Variants in TTC28 observed in about 807,000 individuals in gnomAD.
TTC28 encodes the protein tetratricopeptide repeat domain 28.
In TTC28, 61 loss-of-function variants were observed where a neutral mutation model predicts 198.0. The ratio of observed to expected loss-of-function variants is 0.31; its 90% CI spans 0.25 to 0.38. The LOEUF (loss-of-function observed/expected upper bound fraction) is 0.38. Ranked by LOEUF, TTC28 falls within the 10% of genes least tolerant of loss-of-function variation. TTC28 has a pLI of 1.00. For missense variants in TTC28, 2,678 were observed against 3,164.0 expected, an observed-to-expected ratio of 0.85 and a Z score of 3.69; for synonymous variants, 1,171 against 1,297.8, an observed-to-expected ratio of 0.90 and a Z score of 2.10.
At chr22:28,541,847 G>C (rs1301499512) in intron 2 of TTC28, among the ~76,000 whole-genome samples, 1 of 151,956 alleles carries the variant, frequency 6.6e-6, no homozygotes, top group Non-Finnish European at 1.5e-5. Flanking sequence ...CCAACACTTT[G>C]GGAGGTCAAA....
intron 17 of TTC28, 29 bp downstream of exon 17, chr22:27,996,106 G>A (rs916114565): frequency 5.2e-6 from 8 of 1,537,538 alleles, no homozygotes; most frequent in African/African-American, 1.4e-5. Flanking sequence ...GCCAGCTCTC[G>A]TTGAGTGCAG....
intron 12 of TTC28, among the ~76,000 whole-genome samples, chr22:28,061,464 T>C (rs533976538): frequency 1.3e-5 from 2 of 152,342 alleles, no homozygotes; most frequent in East Asian, 3.9e-4. Flanking sequence ...GCACCATTTA[T>C]TAAATAGGGA....
At chr22:28,163,027 A>G (rs531711442) in intron 6 of TTC28, 65 bp downstream of exon 6, 40 of 1,456,332 alleles carry the variant, frequency 2.7e-5, no homozygotes, top group Non-Finnish European at 3.5e-5. Context: ...AAAGATAGTG[A>G]TCTACTCCAG....
rs1449919657 is a variant in TTC28, at chr22:27,979,347, G to C, written c.*2874C>G. On this transcript the variant is annotated 3_prime_UTR_variant, in exon 23 of 23. Transcript: ENST00000397906. ...ATACAAAAATTAGCAAGGCATGGTA[G>C]TGGGTGCCTGTAGTCCCAGCTACTT... is the stretch of plus-strand genomic sequence containing the variant. 2.0e-5 allele frequency: 3 copies of C among 152,158 alleles called. No homozygotes were observed. Among genetic ancestry groups the C allele is most frequent in the African/African-American group, 7.2e-5 (3 of 41,420 alleles). The allele number at this position is 152,158 out of a possible 1,614,324, so 9.4% of individuals were successfully genotyped here. A position where few individuals can be genotyped will look rare whatever the true frequency, so the allele number is the denominator to read the frequency against.
At chr22:28,595,838 C>T (rs1372482551) in intron 2 of TTC28, among the ~76,000 whole-genome samples, 1 of 152,102 alleles carries the variant, frequency 6.6e-6, no homozygotes, top group Non-Finnish European at 1.5e-5. Context: ...GCAGGAGAAT[C>T]GCTTGAACCC....
At chr22:28,310,356 T>G (rs1222804004) in intron 2 of TTC28, among the ~76,000 whole-genome samples, 1 of 152,218 alleles carries the variant, frequency 6.6e-6, no homozygotes, top group African/African-American at 2.4e-5. Context: ...TTGTTAAAAT[T>G]GTTAGTATTA....
At chr22:28,586,741 TA>T (rs2050324648) in intron 2 of TTC28, among the ~76,000 whole-genome samples, 1 of 152,202 alleles carries the variant, frequency 6.6e-6, no homozygotes, top group South Asian at 2.1e-4. Context: ...GATGTTTAGC[TA>T]ATAATGCTGA....
intron 2 of TTC28, among the ~76,000 whole-genome samples, chr22:28,558,006 T>G (rs1361403075): frequency 2.6e-5 from 4 of 152,232 alleles, no homozygotes; most frequent in African/African-American, 9.6e-5. Context: ...TTCATAATTT[T>G]TAGCTGTAAT....
intron 1 of TTC28, among the ~76,000 whole-genome samples, chr22:28,633,265 A>C (rs1221600095): frequency 2.6e-5 from 4 of 151,426 alleles, no homozygotes; most frequent in African/African-American, 9.7e-5. Context: ...GGGCAACAAG[A>C]ACAAGACTCT....
chr22:28,385,919 T>C (rs2046575266), intron 2 of TTC28, among the ~76,000 whole-genome samples: 1 of 152,034 alleles, frequency 6.6e-6, no homozygotes, highest in South Asian at 2.1e-4. Context: ...ACTTTTTCCC[T>C]CCAGTAAGTC....
At chr22:28,146,355 T>C (rs541796633) in intron 6 of TTC28, among the ~76,000 whole-genome samples, 1 of 152,358 alleles carries the variant, frequency 6.6e-6, no homozygotes, top group Admixed American at 6.5e-5. Context: ...AGGTGCTTCT[T>C]ATTCCCTCTG....
Position 28,533,238 on chromosome 22 carries a change from A to C in TTC28, c.381+96314T>G, listed in dbSNP as rs184861383. Reference sequence around the variant, plus strand: ...AGGATAAAAAAATCAATGTGCAAAAATCACAAGCATTCCTATACACCAATA... The same window carrying C: ...AGGATAAAAAAATCAATGTGCAAAACTCACAAGCATTCCTATACACCAATA... On this transcript the variant is annotated intron_variant, in intron 2 of 22. Coordinates refer to ENST00000397906, the MANE Select transcript of TTC28 (RefSeq NM_001145418.2). Among the ~76,000 whole-genome samples the C allele has an allele frequency of 3.7e-3, 563 of 152,286 alleles. 4 individuals are homozygous for C. The highest frequency in any genetic ancestry group is 6.2e-3 in the Non-Finnish European group (424 of 68,014).
intron 2 of TTC28, among the ~76,000 whole-genome samples, chr22:28,493,047 T>C (rs1481177801): frequency 3.0e-5 from 2 of 66,368 alleles, no homozygotes; most frequent in Non-Finnish European, 6.4e-5. Flanking sequence ...TTCACGATAC[T>C]AAAAAAAAAA....
intron 5 of TTC28, among the ~76,000 whole-genome samples, chr22:28,255,501 G>A (rs1930837267): frequency 6.6e-6 from 1 of 152,076 alleles, no homozygotes; most frequent in Non-Finnish European, 1.5e-5. Context: ...GACCAACGTG[G>A]TAAAACCCTG....
At chr22:28,185,016 G>A (rs1406906403) in intron 5 of TTC28, among the ~76,000 whole-genome samples, 3 of 152,096 alleles carry the variant, frequency 2.0e-5, no homozygotes, top group East Asian at 3.9e-4. Flanking sequence ...CTGAGGAATC[G>A]AATTGATAGT....
intron 2 of TTC28, among the ~76,000 whole-genome samples, chr22:28,447,951 A>G (rs1389930875): frequency 6.6e-6 from 1 of 152,144 alleles, no homozygotes. Context: ...ACCATCTTAA[A>G]TCACCTTATT....
chr22:27,985,348 G>A lies in TTC28; in HGVS notation c.5716C>T (p.Leu1906Phe). 1 of 1,550,826 alleles carries A rather than the reference G, an allele frequency of 6.4e-7. No individual in the cohort carries two copies. Among genetic ancestry groups the A allele is most frequent in the African/African-American group, 1.4e-5 (1 of 73,154 alleles). The change falls in exon 22 of 23, where the codon CTC becomes TTC. Residue 1906 changes from leucine (L) to phenylalanine (F), a missense_variant. Around this residue, in one of 8 missense-constraint regions of TTC28, gnomAD observed 314 missense variants for 442.7 expected, o/e 0.71. Coordinates refer to ENST00000397906, the MANE Select transcript of TTC28 (RefSeq NM_001145418.2). ...HEFLAALGFD[L>F]CEVGQEEVIL... is the part of the protein sequence containing the mutation. ...ACTTCCTCCTGACCAACTTCACAGA[G>A]ATCAAAACCTAGAGGAACAAAGAAT...
At chr22:28,175,608 C>G (rs1923088811) in intron 5 of TTC28, among the ~76,000 whole-genome samples, 2 of 151,998 alleles carry the variant, frequency 1.3e-5, no homozygotes, top group Admixed American at 6.6e-5. Context: ...TGGTGCATGC[C>G]TGTAATCCCA....
In TTC28 at chr22:28,367,506, C is replaced by A. The variant is rs143436868; in HGVS notation, c.382-60863G>T. 7.2e-3 allele frequency among the ~76,000 whole-genome samples: 1,089 copies of A among 151,632 alleles called. 10 individuals are homozygous for A. The highest frequency in any genetic ancestry group is 0.011 in the Non-Finnish European group (721 of 67,786). ...AGAAGAAAAACCTCAAATAAATAAC[C>A]TAATGATGCATCTTAATTAAAAAAG... On this transcript the variant is annotated intron_variant, in intron 2 of 22. Coordinates refer to ENST00000397906, the MANE Select transcript of TTC28 (RefSeq NM_001145418.2).
Sources: allele counts gnomAD v4.1 joint callset (sites outside exome capture counted in the v4.1 genomes callset), GRCh38; gene constraint gnomAD v4.1.1; regional missense constraint gnomAD v4.1.1; transcripts MANE v1.5; gene names NCBI Gene and HGNC (gene_info 2026-07-23, HGNC 2026-07-21).